VWA5A: variants seen among roughly 807,000 people sequenced by gnomAD.
The protein encoded by VWA5A is von Willebrand factor A domain-containing protein 5A.
Under a neutral mutation model 84.6 loss-of-function variants are expected in VWA5A, and 77 were observed. That is an observed-to-expected ratio of 0.91 (90% CI 0.76 to 1.10). The LOEUF is 1.10. Among genes scored for constraint, VWA5A ranks in the 50% least tolerant of loss-of-function variants. The probability of loss-of-function intolerance (pLI) is 0.00; values close to 1 mark genes in which losing one functional copy is unlikely to be tolerated. For synonymous variants in VWA5A, 334 were observed against 350.1 expected, an observed-to-expected ratio of 0.95 and a Z score of 0.51; for missense variants, 973 against 963.0, an observed-to-expected ratio of 1.01 and a Z score of -0.14.
chr11:124,126,878 A>G (rs1428344428), intron 11 of VWA5A, among the ~76,000 whole-genome samples: 1 of 152,228 alleles, frequency 6.6e-6, no homozygotes, highest in Admixed American at 6.5e-5. Flanking sequence ...GGCAAACCAC[A>G]GATGTCATAA....
chr11:124,124,671 T>C (rs771589193), intron 11 of VWA5A: 2 of 615,086 alleles, frequency 3.3e-6, no homozygotes, highest in Non-Finnish European at 4.1e-6. Flanking sequence ...GAATGCACTG[T>C]GTGATCGCCA....
In VWA5A at chr11:124,135,506, C is replaced by T. The variant is rs1865161941; in HGVS notation, c.1359+472C>T. On this transcript the variant is annotated intron_variant, in intron 12 of 18. Transcript: ENST00000456829. ...TCATCTTTCTGCAAAAGGAGAAGAC[C>T]CCTCTGGTGGTATTTCTTTTTTTTT... 2.0e-5 allele frequency among the ~76,000 whole-genome samples: 3 copies of T among 150,970 alleles called. No individual in the cohort carries two copies. In the South Asian group the frequency reaches 6.3e-4, roughly 32 times the overall value.
rs1860678571 is a variant in VWA5A at position 124,139,225 on chromosome 11, T to TGTGTGTG, written c.1879+1957_1879+1958insGTGTGTG. On this transcript the variant is annotated intron_variant, in intron 15 of 18. Transcript: ENST00000456829. Reference sequence around the variant, plus strand: ...TAGTATGATGCCTCCAGCATTTTGTTTGTGTGTGTGTGTGTGTGTGTGTGT... The same window carrying TGTGTGTG: ...TAGTATGATGCCTCCAGCATTTTGTTGTGTGTGTGTGTGTGTGTGTGTGTGTGTGTGT... Among the ~76,000 whole-genome samples, 1,465 of 147,398 alleles carry TGTGTGTG rather than the reference T, an allele frequency of 9.9e-3. 16 individuals carry two copies. Among genetic ancestry groups the TGTGTGTG allele is most frequent in the Middle Eastern group, 0.045 (13 of 286 alleles).
chr11:124,128,829 T>G (rs1261152177), intron 11 of VWA5A, among the ~76,000 whole-genome samples: 1 of 152,244 alleles, frequency 6.6e-6, no homozygotes, highest in Non-Finnish European at 1.5e-5. Context: ...CACATTGATT[T>G]TCTATCCTAA....
chr11:124,130,526 A>G (rs567995276), intron 11 of VWA5A, among the ~76,000 whole-genome samples: 4 of 152,182 alleles, frequency 2.6e-5, no homozygotes, highest in African/African-American at 9.6e-5. Flanking sequence ...CAAGTCCTGA[A>G]TATATTTGTT....
At chr11:124,123,912 G>A in intron 10 of VWA5A, 108 bp downstream of exon 10, 1 of 1,391,552 alleles carries the variant, frequency 7.2e-7, no homozygotes, top group South Asian at 1.6e-5. Context: ...GCAATTCACA[G>A]TCTTCTATCA....
At chr11:124,119,415 C>G (rs544714055) in intron 7 of VWA5A, among the ~76,000 whole-genome samples, 4 of 152,318 alleles carry the variant, frequency 2.6e-5, no homozygotes, top group African/African-American at 9.6e-5. Context: ...ACATTTTCAC[C>G]TTTCAAATTA....
At chr11:124,119,542 G>A (rs990487683) in intron 7 of VWA5A, among the ~76,000 whole-genome samples, 1 of 152,198 alleles carries the variant, frequency 6.6e-6, no homozygotes, top group African/African-American at 2.4e-5. Flanking sequence ...TTAAATCAAT[G>A]TTAACTTTGG....
intron 1 of VWA5A, chr11:124,115,900 A>G (rs1864820174): frequency 6.6e-6 from 1 of 152,294 alleles, no homozygotes; most frequent in African/African-American, 2.4e-5. Flanking sequence ...TAGAAATGTA[A>G]GAGACCGACG....
intron 11 of VWA5A, among the ~76,000 whole-genome samples, chr11:124,129,289 T>C (rs1238683929): frequency 1.3e-5 from 2 of 152,214 alleles, no homozygotes; most frequent in African/African-American, 2.4e-5. Flanking sequence ...ATTTATTGAT[T>C]TGCATATGTT....
intron 11 of VWA5A, among the ~76,000 whole-genome samples, chr11:124,125,590 A>G (rs1865008000): frequency 6.6e-6 from 1 of 151,940 alleles, no homozygotes; most frequent in Admixed American, 6.6e-5. Context: ...GCCCCTTATT[A>G]TGGTTTTAAC....
rs1864880029 is a variant in VWA5A, at chr11:124,118,627, C to G, written c.564C>G (p.Ser188=). Residue 188 remains serine (S), a synonymous_variant, in exon 6 of 19, where the codon TCC becomes TCG. Coordinates refer to ENST00000456829, the MANE Select transcript of VWA5A (RefSeq NM_001130142.2). ...YTLSMVATID[S]QHGIEKVQSN... is the part of the protein sequence containing the mutation. ...TCAGCATGGTCGCCACCATAGATTC[C>G]CAGCATGGCATTGAGAAGGTCCAAT... 6.2e-7 allele frequency: 1 copy of G among 1,614,122 alleles called. No individual in the cohort carries two copies. The highest frequency in any genetic ancestry group is 8.5e-7 in the Non-Finnish European group (1 of 1,180,038).
At chr11:124,133,473 A>G (rs1393534469) in intron 11 of VWA5A, among the ~76,000 whole-genome samples, 2 of 152,198 alleles carry the variant, frequency 1.3e-5, no homozygotes, top group African/African-American at 4.8e-5. Flanking sequence ...GTCTTGGCCT[A>G]TAGATTTTTA....
Position 124,118,314 on chromosome 11 carries a change from A to G in VWA5A, c.372A>G (p.Ala124=), listed in dbSNP as rs1864871226. Residue 124 remains alanine (A), a synonymous_variant, in exon 5 of 19, where the codon GCA becomes GCG. Coordinates refer to ENST00000456829, the MANE Select transcript of VWA5A (RefSeq NM_001130142.2). ...ACCTCCAACCTGGGTCGAAGGCGGC[A>G]GTCACCCTGAAGTATGTGCAGGAGC... ...VGNLQPGSKA[A]VTLKYVQELP... 6.2e-7 allele frequency: 1 copy of G among 1,614,214 alleles called. No homozygotes were observed. Among genetic ancestry groups the G allele is most frequent in the Non-Finnish European group, 8.5e-7 (1 of 1,180,034 alleles).
intron 12 of VWA5A, among the ~76,000 whole-genome samples, chr11:124,135,552 A>T: frequency 1.2e-5 from 1 of 85,574 alleles, no homozygotes; most frequent in African/African-American, 5.4e-5. Context: ...TTTTTCTGAG[A>T]CGGAGTCTCG....
Position 124,118,367 on chromosome 11 carries a change from G to T in VWA5A, c.425G>T (p.Arg142Leu), listed in dbSNP as rs560933369. 1.5e-5 allele frequency: 24 copies of T among 1,614,206 alleles called. No individual in the cohort carries two copies. Among genetic ancestry groups the T allele is most frequent in the Non-Finnish European group, 2.0e-5 (24 of 1,180,040 alleles). Residue 142 changes from arginine to leucine, a missense_variant, in exon 5 of 19, where the codon CGC (arginine) becomes CTC (leucine). By Grantham distance (102) the Arg-to-Leu change is moderately radical. Transcript: ENST00000456829. Reference sequence around the variant, plus strand: ...CCTCTGGAAGCAGATGGGGCTCTGCGCTTTGTGCTCCCAGCTGTCCTGAAT... The same window carrying T: ...CCTCTGGAAGCAGATGGGGCTCTGCTCTTTGTGCTCCCAGCTGTCCTGAAT... ...ELPLEADGAL[R>L]FVLPAVLNPR...
intron 15 of VWA5A, among the ~76,000 whole-genome samples, chr11:124,140,984 G>T (rs888013415): frequency 6.6e-5 from 10 of 152,178 alleles, no homozygotes; most frequent in Non-Finnish European, 1.2e-4. Context: ...GGAAGTCATT[G>T]GATTTGATGA....
chr11:124,138,752 T>C (rs1359195909), intron 15 of VWA5A, among the ~76,000 whole-genome samples: 1 of 152,204 alleles, frequency 6.6e-6, no homozygotes, highest in Non-Finnish European at 1.5e-5. Context: ...CTTCACCCTG[T>C]TGATTGTTTT....
In VWA5A at chr11:124,147,346, G is replaced by T. The variant is rs1362054596; in HGVS notation, c.*1401G>T. On this transcript the variant is annotated 3_prime_UTR_variant, in exon 19 of 19. Coordinates refer to ENST00000456829, the MANE Select transcript of VWA5A (RefSeq NM_001130142.2). Reference sequence around the variant, plus strand: ...AATATCCTCATCTGTAAAACTAAGGGATTAAACTAGAACTTTATTAACACT... The same window carrying T: ...AATATCCTCATCTGTAAAACTAAGGTATTAAACTAGAACTTTATTAACACT... 6.6e-6 allele frequency: 1 copy of T among 152,180 alleles called. No homozygotes were observed. The highest frequency in any genetic ancestry group is 1.5e-5 in the Non-Finnish European group (1 of 68,048). 9.4% of individuals were successfully genotyped at this position (152,180 alleles called of 1,614,324 possible). A position where few individuals can be genotyped will look rare whatever the true frequency, so the allele number is the denominator to read the frequency against.
Sources: gnomAD v4.1 joint callset for allele counts (sites outside exome capture counted in the v4.1 genomes callset) on GRCh38, gnomAD v4.1.1 for gene constraint, MANE v1.5 for transcripts, NCBI Gene and HGNC (gene_info 2026-07-23, HGNC 2026-07-21) for gene names.